CDK7: variants seen among roughly 807,000 people sequenced by gnomAD.
CDK7 encodes the protein cyclin dependent kinase 7, also known as cyclin-dependent kinase 7.
CDK7 carries 25 observed loss-of-function variants against 49.1 expected under a neutral mutation model. That is an observed-to-expected ratio of 0.51 (90% CI 0.37 to 0.71). The LOEUF is 0.71. CDK7 is among the 30% of genes least tolerant of loss of function. CDK7 has a pLI of 0.00. For synonymous variants in CDK7, 107 were observed against 140.0 expected, an observed-to-expected ratio of 0.76 and a Z score of 1.67; for missense variants, 316 against 411.7, an observed-to-expected ratio of 0.77 and a Z score of 2.01.
intron 5 of CDK7, among the ~76,000 whole-genome samples, chr5:69,256,364 G>GT (rs927237056): frequency 2.0e-5 from 3 of 151,832 alleles, no homozygotes; most frequent in Non-Finnish European, 2.9e-5. Flanking sequence ...TTTTTGTTTT[G>GT]TTTTTTTGAG....
chr5:69,241,325 T>G (rs1446136123), intron 2 of CDK7, among the ~76,000 whole-genome samples: 1 of 135,446 alleles, frequency 7.4e-6, no homozygotes, highest in Admixed American at 7.3e-5. Flanking sequence ...TTTTTTTTTT[T>G]TTTTTTTTTT....
rs1002803605 is a variant in CDK7 at position 69,234,901 on chromosome 5, C to T, written c.-75C>T. On this transcript the variant is annotated 5_prime_UTR_variant, in exon 1 of 12. Transcript: ENST00000256443. ...GGTGGACGGAAGTGGGTGTTGGAGG[C>T]TTTAAGGTAGCTTTAAATTCGTGTT... The T allele has an allele frequency of 9.7e-6, 14 of 1,437,600 alleles. No homozygotes were observed. In the African/African-American group the frequency reaches 2.0e-4, roughly 20 times the overall value. 89.1% of individuals were successfully genotyped at this position (1,437,600 alleles called of 1,614,324 possible). A position where few individuals can be genotyped will look rare whatever the true frequency, so the allele number is the denominator to read the frequency against.
At chr5:69,248,776 T>A (rs1415029030) in intron 2 of CDK7, among the ~76,000 whole-genome samples, 2 of 151,032 alleles carry the variant, frequency 1.3e-5, no homozygotes, top group African/African-American at 4.9e-5. Context: ...CTTGGTATTC[T>A]ATAACCTTCT....
chr5:69,235,101 C>G, intron 1 of CDK7, 60 bp downstream of exon 1: 2 of 1,501,862 alleles, frequency 1.3e-6, no homozygotes, highest in Non-Finnish European at 1.8e-6. Flanking sequence ...CCGCCTCCAC[C>G]TTTGCGGGTT....
intron 8 of CDK7, among the ~76,000 whole-genome samples, chr5:69,265,734 A>G (rs1751109712): frequency 6.6e-6 from 1 of 152,002 alleles, no homozygotes; most frequent in African/African-American, 2.4e-5. Flanking sequence ...ATGTGGTGAA[A>G]CCCTGTCTCT....
intron 10 of CDK7, among the ~76,000 whole-genome samples, chr5:69,273,566 A>AT (rs1175931568): frequency 6.6e-6 from 1 of 152,208 alleles, no homozygotes; most frequent in Non-Finnish European, 1.5e-5. Context: ...CTTGAAAAAT[A>AT]TTTGAAATAA....
chr5:69,240,892 G>A (rs1288440640), intron 2 of CDK7, among the ~76,000 whole-genome samples: 1 of 152,174 alleles, frequency 6.6e-6, no homozygotes, highest in African/African-American at 2.4e-5. Flanking sequence ...CTCCCAAAGT[G>A]CTGGGATTAC....
intron 2 of CDK7, among the ~76,000 whole-genome samples, chr5:69,237,039 C>T (rs1749044773): frequency 6.9e-6 from 1 of 145,606 alleles, no homozygotes; most frequent in African/African-American, 2.5e-5. Flanking sequence ...TCCACCACTA[C>T]AGCCACTCCC....
intron 10 of CDK7, among the ~76,000 whole-genome samples, chr5:69,275,413 C>G (rs1010734489): frequency 6.6e-6 from 1 of 151,986 alleles, no homozygotes; most frequent in Non-Finnish European, 1.5e-5. Flanking sequence ...CTTGTAAGTT[C>G]TTTTTAAGTT....
chr5:69,273,138 A>G, intron 10 of CDK7, 97 bp downstream of exon 10: 2 of 866,930 alleles, frequency 2.3e-6, no homozygotes, highest in Non-Finnish European at 3.4e-6. Context: ...CATTTTTTAA[A>G]TACTGGAAAG....
chr5:69,264,506 C>G (rs747144242), intron 8 of CDK7, among the ~76,000 whole-genome samples: 1 of 151,386 alleles, frequency 6.6e-6, no homozygotes, highest in South Asian at 2.1e-4. Flanking sequence ...ATTGTGAAAC[C>G]CTGTCTCAAT....
intron 8 of CDK7, among the ~76,000 whole-genome samples, chr5:69,265,115 A>AG (rs901726956): frequency 1.3e-5 from 2 of 152,030 alleles, no homozygotes; most frequent in African/African-American, 4.8e-5. Context: ...TACAAAAAAA[A>AG]TTAGCTAGGC....
intron 2 of CDK7, among the ~76,000 whole-genome samples, chr5:69,242,821 G>A (rs1304229668): frequency 3.9e-5 from 6 of 152,258 alleles, no homozygotes; most frequent in Non-Finnish European, 5.9e-5. Context: ...GGAGGCAGGC[G>A]GATCACCTGA....
At chr5:69,268,833 T>TAA (rs1211929490) in intron 8 of CDK7, among the ~76,000 whole-genome samples, 1 of 46,092 alleles carries the variant, frequency 2.2e-5, no homozygotes, top group Non-Finnish European at 3.9e-5. Flanking sequence ...CGAGACTGTC[T>TAA]CAAAAAAAAA....
At chr5:69,273,495 T>C (rs1262675855) in intron 10 of CDK7, among the ~76,000 whole-genome samples, 7 of 152,182 alleles carry the variant, frequency 4.6e-5, no homozygotes, top group Non-Finnish European at 1.0e-4. Flanking sequence ...CATTCTCACA[T>C]TGAGAACATG....
intron 2 of CDK7, among the ~76,000 whole-genome samples, chr5:69,249,839 T>C (rs1012763284): frequency 6.6e-6 from 1 of 152,166 alleles, no homozygotes; most frequent in Non-Finnish European, 1.5e-5. Flanking sequence ...AGAGCAAAAC[T>C]CCGTCTCCAA....
At chr5:69,259,959 T>C in intron 7 of CDK7, 23 bp downstream of exon 7, 1 of 1,389,556 alleles carries the variant, frequency 7.2e-7, no homozygotes, top group South Asian at 1.2e-5. Flanking sequence ...TAAAGCTACA[T>C]GTGCAGGAGT....
At chr5:69,271,514 T>C (rs1390682160) in intron 9 of CDK7, among the ~76,000 whole-genome samples, 4 of 23,374 alleles carry the variant, frequency 1.7e-4, no homozygotes, top group African/African-American at 1.4e-3. Flanking sequence ...TTTTTTTTTC[T>C]TTTTTTTTTT....
In CDK7 at chr5:69,246,127, A is replaced by AGTTT. The variant is rs546761443; in HGVS notation, c.127-6270_127-6267dup. Among the ~76,000 whole-genome samples, 987 of 151,670 alleles carry AGTTT rather than the reference A, an allele frequency of 6.5e-3. 5 individuals are homozygous for AGTTT. Among genetic ancestry groups the AGTTT allele is most frequent in the Non-Finnish European group, 9.8e-3 (668 of 67,878 alleles). On this transcript the variant is annotated intron_variant, in intron 2 of 11. Coordinates refer to ENST00000256443, the MANE Select transcript of CDK7 (RefSeq NM_001799.4). ...TTTTTTTTTCTAGAGCAGGAGTGGA[A>AGTTT]GTTTGTTTGTTTGTTTGTTTGTTTT...
Sources: allele counts gnomAD v4.1 joint callset (sites outside exome capture counted in the v4.1 genomes callset), GRCh38; gene constraint gnomAD v4.1.1; transcripts MANE v1.5; gene names NCBI Gene and HGNC (gene_info 2026-07-23, HGNC 2026-07-21).